CSTPP1: variants seen among roughly 807,000 people sequenced by gnomAD.
CSTPP1 encodes the protein centriolar satellite-associated tubulin polyglutamylase complex regulator 1, also known as UPF0705 protein C11orf49.
At chr11:46,959,369 C>T in the CSTPP1 span, among the ~76,000 whole-genome samples, 2 of 151,874 alleles carry the variant, frequency 1.3e-5, no homozygotes, top group Non-Finnish European at 2.9e-5. Context: ...TGTAATATTC[C>T]TGTTTTTAGT....
At chr11:47,085,777 G>C in the CSTPP1 span, among the ~76,000 whole-genome samples, 3 of 151,474 alleles carry the variant, frequency 2.0e-5, no homozygotes, top group Non-Finnish European at 4.4e-5. Flanking sequence ...GTAATCCCAG[G>C]TACTAGGGAG....
At chr11:47,052,499 A>C in the CSTPP1 span, 1 of 1,613,654 alleles carries the variant, frequency 6.2e-7, no homozygotes, top group Non-Finnish European at 8.5e-7. Flanking sequence ...GATGCTTCCG[A>C]ACTGTGGGCA....
chr11:47,030,313 G>A, the CSTPP1 span, among the ~76,000 whole-genome samples: 2 of 152,158 alleles, frequency 1.3e-5, no homozygotes, highest in Admixed American at 6.6e-5. Context: ...TTCACTGGCC[G>A]TTTTCAGTTT....
the CSTPP1 span, among the ~76,000 whole-genome samples, chr11:47,034,016 G>A: frequency 6.6e-6 from 1 of 151,858 alleles, no homozygotes; most frequent in Middle Eastern, 3.2e-3. Context: ...ATTTACGTTA[G>A]GTATATCTCC....
chr11:46,964,371 C>G, the CSTPP1 span, among the ~76,000 whole-genome samples: 27 of 152,038 alleles, frequency 1.8e-4, no homozygotes, highest in East Asian at 2.1e-3. Context: ...CTGGAAGCTC[C>G]GCCTCCCGGG....
chr11:46,937,061 C>T, the CSTPP1 span, among the ~76,000 whole-genome samples: 1 of 151,968 alleles, frequency 6.6e-6, no homozygotes, highest in South Asian at 2.1e-4. Flanking sequence ...AGTGTAGGGG[C>T]TGGAACTCAG....
the CSTPP1 span, among the ~76,000 whole-genome samples, chr11:47,030,902 TTTCTTCATCCC>T: frequency 1.3e-5 from 2 of 152,208 alleles, no homozygotes; most frequent in Non-Finnish European, 2.9e-5. Context: ...TGTACCACAT[TTTCTTCATCCC>T]GTCTATCACT....
the CSTPP1 span, chr11:47,155,209 G>A: frequency 7.4e-6 from 12 of 1,613,704 alleles, no homozygotes; most frequent in Non-Finnish European, 1.0e-5. Flanking sequence ...TGGACTGCTT[G>A]ATGTCTTTTT....
chr11:47,024,862 GTCT>G, the CSTPP1 span, among the ~76,000 whole-genome samples: 1 of 151,940 alleles, frequency 6.6e-6, no homozygotes, highest in Non-Finnish European at 1.5e-5. Flanking sequence ...CTACCTAGAG[GTCT>G]TTCCTTATGT....
chr11:46,999,222 A>G, the CSTPP1 span, among the ~76,000 whole-genome samples: 1 of 150,822 alleles, frequency 6.6e-6, no homozygotes, highest in Non-Finnish European at 1.5e-5. Flanking sequence ...CTTACATGAT[A>G]ATAATAATAA....
the CSTPP1 span, chr11:47,157,767 G>A: frequency 5.1e-6 from 8 of 1,560,550 alleles, no homozygotes; most frequent in Admixed American, 1.7e-5. Context: ...TGCAGAGGTG[G>A]CCCTGAGGCT....
the CSTPP1 span, among the ~76,000 whole-genome samples, chr11:47,146,820 T>A: frequency 2.0e-5 from 3 of 152,204 alleles, no homozygotes; most frequent in Non-Finnish European, 4.4e-5. Context: ...CATACCATAG[T>A]TGTGGAATTC....
At chr11:46,987,179 T>G in the CSTPP1 span, 1 of 1,601,888 alleles carries the variant, frequency 6.2e-7, no homozygotes, top group South Asian at 1.1e-5. Flanking sequence ...TCTCTCATTT[T>G]CTCTTTCTCT....
chr11:47,114,956 T>C, the CSTPP1 span, among the ~76,000 whole-genome samples: 5 of 152,234 alleles, frequency 3.3e-5, no homozygotes. Flanking sequence ...AGTGTGATAT[T>C]GGCTGTGGGT....
the CSTPP1 span, among the ~76,000 whole-genome samples, chr11:46,967,200 G>T: frequency 9.2e-5 from 14 of 152,056 alleles, no homozygotes. Flanking sequence ...TTACATTTAG[G>T]TCTATGGCCC....
At chr11:47,104,016 G>A in the CSTPP1 span, among the ~76,000 whole-genome samples, 14 of 152,124 alleles carry the variant, frequency 9.2e-5, no homozygotes, top group African/African-American at 3.4e-4. Flanking sequence ...ACTCTTCCTT[G>A]CTTAATCATC....
chr11:47,005,450 A>G, the CSTPP1 span, among the ~76,000 whole-genome samples: 1 of 152,230 alleles, frequency 6.6e-6, no homozygotes, highest in Non-Finnish European at 1.5e-5. Context: ...AGAGCAATAC[A>G]AGACCTTATA....
the CSTPP1 span, among the ~76,000 whole-genome samples, chr11:46,997,500 A>T: frequency 6.6e-6 from 1 of 152,196 alleles, no homozygotes; most frequent in Non-Finnish European, 1.5e-5. Context: ...ATGGATTCGG[A>T]CATCCTCCTT....
the CSTPP1 span, among the ~76,000 whole-genome samples, chr11:47,006,193 T>TATTA: frequency 6.6e-6 from 1 of 152,202 alleles, no homozygotes; most frequent in South Asian, 2.1e-4. Flanking sequence ...AATTCAAAAC[T>TATTA]ATTAACTAAT....
Sources: gnomAD v4.1 joint callset for allele counts (sites outside exome capture counted in the v4.1 genomes callset) on GRCh38, gnomAD v4.1.1 for gene constraint, MANE v1.5 for transcripts, NCBI Gene and HGNC (gene_info 2026-07-23, HGNC 2026-07-21) for gene names.